The following ARHGEF28 variants were observed in gnomAD, a reference collection of about 807,000 sequenced individuals.
ARHGEF28 encodes Rho guanine nucleotide exchange factor 28, also known as 190 kDa guanine nucleotide exchange factor.
In ARHGEF28, 152 loss-of-function variants were observed where a neutral mutation model predicts 206.6. That is an observed-to-expected ratio of 0.74 (90% CI 0.64 to 0.84). The LOEUF is 0.84. Among genes scored for constraint, ARHGEF28 ranks in the 40% least tolerant of loss-of-function variants. The pLI is 0.00. For synonymous variants in ARHGEF28, 763 were observed against 776.4 expected, an observed-to-expected ratio of 0.98 and a Z score of 0.29; for missense variants, 2,028 against 2,073.2, an observed-to-expected ratio of 0.98 and a Z score of 0.42.
chr5:73,874,410 A>AT (rs1163799022), intron 22 of ARHGEF28, among the ~76,000 whole-genome samples: 4 of 151,462 alleles, frequency 2.6e-5, no homozygotes, highest in African/African-American at 9.7e-5. Flanking sequence ...ATTTATTTTT[A>AT]TTTTTTTGTT....
chr5:73,846,072 G>A (rs1243499902), intron 11 of ARHGEF28, among the ~76,000 whole-genome samples, 196 bp from the exon 12 acceptor site: 2 of 151,684 alleles, frequency 1.3e-5, no homozygotes, highest in African/African-American at 4.8e-5. Context: ...GTTCATTCGG[G>A]GTAACATAAA....
chr5:73,784,060 C>T (rs1358631128), intron 7 of ARHGEF28, among the ~76,000 whole-genome samples: 3 of 151,752 alleles, frequency 2.0e-5, no homozygotes, highest in East Asian at 1.9e-4. Context: ...AGTTTTTGTC[C>T]ATTCATGAGT....
chr5:73,660,177 G>A (rs1745499650), intron 1 of ARHGEF28, among the ~76,000 whole-genome samples: 3 of 152,170 alleles, frequency 2.0e-5, no homozygotes, highest in Admixed American at 6.5e-5. Flanking sequence ...TAAATTTTTT[G>A]TTGTCTTTTC....
chr5:73,745,390 A>G (rs1489887456), intron 2 of ARHGEF28, among the ~76,000 whole-genome samples: 1 of 152,060 alleles, frequency 6.6e-6, no homozygotes, highest in Admixed American at 6.5e-5. Context: ...CTGGAAAGGA[A>G]TAGGAAAGTT....
At chr5:73,719,528 T>C (rs1231447956) in intron 2 of ARHGEF28, among the ~76,000 whole-genome samples, 1 of 152,216 alleles carries the variant, frequency 6.6e-6, no homozygotes, top group Non-Finnish European at 1.5e-5. Flanking sequence ...TTTCAGAAAC[T>C]GACATTTCTC....
At chr5:73,629,752 TG>T (rs1299745253) in intron 1 of ARHGEF28, among the ~76,000 whole-genome samples, 1 of 152,162 alleles carries the variant, frequency 6.6e-6, no homozygotes, top group Non-Finnish European at 1.5e-5. Context: ...AATTGAATAG[TG>T]GGCATTTGTT....
chr5:73,894,630 C>G (rs1580061971), intron 29 of ARHGEF28, 55 bp downstream of exon 29: 1 of 1,570,720 alleles, frequency 6.4e-7, no homozygotes, highest in Non-Finnish European at 8.6e-7. Context: ...GTTTATTGAA[C>G]ACCTGCTAAG....
intron 7 of ARHGEF28, among the ~76,000 whole-genome samples, chr5:73,785,063 G>A (rs1290073302): frequency 6.6e-6 from 1 of 152,132 alleles, no homozygotes; most frequent in Non-Finnish European, 1.5e-5. Flanking sequence ...CTCAAGAATG[G>A]TCTGCAATTT....
chr5:73,857,978 T>A, intron 15 of ARHGEF28, 109 bp from the exon 16 acceptor site: 1 of 1,483,500 alleles, frequency 6.7e-7, no homozygotes, highest in Non-Finnish European at 9.0e-7. Flanking sequence ...TATATTCTGA[T>A]GGAAAATGTA....
chr5:73,849,101 A>G lies in ARHGEF28; in HGVS notation c.1747+14A>G, dbSNP rs939889594. ...GTTCAAGTGAAGGTAAGCATCATTT[A>G]ACATTTGGCTTTGAAAACACTCTAT... On this transcript the variant is annotated intron_variant, in intron 13 of 35. Coordinates refer to ENST00000513042, the MANE Select transcript of ARHGEF28 (RefSeq NM_001177693.2). 3 of 1,521,460 alleles carry G rather than the reference A, an allele frequency of 2.0e-6. No individual in the cohort carries two copies. Among genetic ancestry groups the G allele is most frequent in the Non-Finnish European group, 1.8e-6 (2 of 1,117,760 alleles). 94.2% of individuals were successfully genotyped at this position (1,521,460 alleles called of 1,614,324 possible). A position where few individuals can be genotyped will look rare whatever the true frequency, so the allele number is the denominator to read the frequency against.
At chr5:73,904,188 G>C in intron 31 of ARHGEF28, 34 bp from the exon 32 acceptor site, 1 of 1,607,902 alleles carries the variant, frequency 6.2e-7, no homozygotes, top group Non-Finnish European at 8.5e-7. Context: ...GAAGTAGAAT[G>C]GTTATTCATT....
chr5:73,752,807 C>T lies in ARHGEF28; in HGVS notation c.182-102C>T, dbSNP rs747861203. The T allele has an allele frequency of 2.1e-5, 28 of 1,317,058 alleles. No individual in the cohort carries two copies. In the Admixed American group the frequency reaches 3.0e-4, roughly 14 times the overall value. 81.6% of individuals were successfully genotyped at this position (1,317,058 alleles called of 1,614,324 possible). ...TCCTTTCTGCTTTGTTCTCCTGGAG[C>T]GTGTTGTCTGCTTAAGCTATGTGGT... On this transcript the variant is annotated intron_variant, in intron 3 of 35. Transcript: ENST00000513042.
chr5:73,640,007 G>A (rs2112136442), intron 1 of ARHGEF28, among the ~76,000 whole-genome samples: 1 of 152,276 alleles, frequency 6.6e-6, no homozygotes, highest in African/African-American at 2.4e-5. Context: ...ACCAGAATAT[G>A]GTTAAAATGA....
intron 13 of ARHGEF28, 85 bp from the exon 14 acceptor site, chr5:73,852,565 A>G (rs1325811084): frequency 1.0e-5 from 12 of 1,170,154 alleles, no homozygotes; most frequent in Non-Finnish European, 1.3e-5. Flanking sequence ...TAATGATACA[A>G]TATGGTTGAG....
chr5:73,735,226 TATTA>T (rs1234864891), intron 2 of ARHGEF28, among the ~76,000 whole-genome samples: 3 of 151,182 alleles, frequency 2.0e-5, no homozygotes, highest in Non-Finnish European at 2.9e-5. Flanking sequence ...TATTAATTTT[TATTA>T]ATTAAATTAA....
chr5:73,735,208 A>G (rs890568151), intron 2 of ARHGEF28, among the ~76,000 whole-genome samples: 1 of 151,270 alleles, frequency 6.6e-6, no homozygotes, highest in Non-Finnish European at 1.5e-5. Context: ...TTAATAAATT[A>G]ATACATTTAT....
At chr5:73,671,313 G>A (rs938924420) in intron 1 of ARHGEF28, among the ~76,000 whole-genome samples, 1 of 152,122 alleles carries the variant, frequency 6.6e-6, no homozygotes, top group Non-Finnish European at 1.5e-5. Flanking sequence ...TCCTTTCACA[G>A]TAATACATTC....
chr5:73,782,957 C>G (rs561187926), intron 7 of ARHGEF28, among the ~76,000 whole-genome samples: 1 of 152,164 alleles, frequency 6.6e-6, no homozygotes, highest in South Asian at 2.1e-4. Context: ...CTTACTTTTT[C>G]TTTTTTAAAA....
intron 21 of ARHGEF28, 146 bp from the exon 22 acceptor site, chr5:73,872,853 T>C (rs1344704974): frequency 1.0e-6 from 1 of 995,854 alleles, no homozygotes; most frequent in Non-Finnish European, 1.4e-6. Flanking sequence ...TGTTTAATGT[T>C]GACTTTTATA....
Sources: allele counts gnomAD v4.1 joint callset (sites outside exome capture counted in the v4.1 genomes callset), GRCh38; gene constraint gnomAD v4.1.1; transcripts MANE v1.5; gene names NCBI Gene and HGNC (gene_info 2026-07-23, HGNC 2026-07-21).